The following CSMD1 variants were observed in gnomAD, a reference collection of about 807,000 sequenced individuals.
The protein encoded by CSMD1 is CUB and Sushi multiple domains 1.
CSMD1 carries 213 observed loss-of-function variants against 417.5 expected under a neutral mutation model. That is an observed-to-expected ratio of 0.51 (90% CI 0.46 to 0.57). CSMD1 has a LOEUF of 0.57. CSMD1 is among the 20% of genes least tolerant of loss of function. The pLI, the probability that CSMD1 is intolerant of heterozygous loss-of-function variation, is 0.00. For missense variants in CSMD1, 6,923 were observed against 4,529.7 expected (o/e 1.53, Z -15.17); for synonymous variants, 2,862 against 1,736.8 (o/e 1.65, Z -16.11).
In CSMD1 at chr8:3,288,292, T is replaced by G. The variant is rs532314792; in HGVS notation, c.3951-3946A>C. On this transcript the variant is annotated intron_variant, in intron 25 of 69. Coordinates refer to ENST00000635120, the MANE Select transcript of CSMD1 (RefSeq NM_033225.6). ...TTTTTGTTCTTTTTCTGCCAGGCTT[T>G]GGTATGAGGATGATGTTGGCCTCAT... is the stretch of plus-strand genomic sequence containing the variant. 7.5e-5 allele frequency among the ~76,000 whole-genome samples: 11 copies of G among 147,228 alleles called. 1 individual carries two copies. The highest frequency in any genetic ancestry group is 7.4e-4 in the Admixed American group (11 of 14,964).
At chr8:4,898,488 T>G (rs1406421389) in intron 1 of CSMD1, among the ~76,000 whole-genome samples, 1 of 152,192 alleles carries the variant, frequency 6.6e-6, no homozygotes, top group Non-Finnish European at 1.5e-5. Flanking sequence ...ATCCAAATGC[T>G]TGCCTGCTCA....
chr8:3,654,451 G>T (rs1441809713), intron 7 of CSMD1, among the ~76,000 whole-genome samples: 1 of 152,120 alleles, frequency 6.6e-6, no homozygotes, highest in Admixed American at 6.5e-5. Context: ...AAAAGATAAT[G>T]GTACAGGAAG....
chr8:4,037,399 T>C (rs997031195), intron 3 of CSMD1, among the ~76,000 whole-genome samples: 3 of 152,218 alleles, frequency 2.0e-5, no homozygotes, highest in African/African-American at 7.2e-5. Flanking sequence ...AACAGCCCAG[T>C]GGCATTATAG....
chr8:4,422,607 C>G lies in CSMD1; in HGVS notation c.303-2542G>C, dbSNP rs141357203. On this transcript the variant is annotated intron_variant, in intron 2 of 69. Coordinates refer to ENST00000635120, the MANE Select transcript of CSMD1 (RefSeq NM_033225.6). ...GACTATTCTGGACCCTGATCTCAGACTTTCAGACTCCAGAACTGTGAAAAA... is the reference window on the plus strand; with the variant it reads ...GACTATTCTGGACCCTGATCTCAGAGTTTCAGACTCCAGAACTGTGAAAAA... Among the ~76,000 whole-genome samples the G allele has an allele frequency of 1.9e-3, 283 of 152,188 alleles. 1 individual carries two copies. The highest frequency in any genetic ancestry group is 6.4e-3 in the African/African-American group (267 of 41,548).
intron 3 of CSMD1, among the ~76,000 whole-genome samples, chr8:4,283,461 AT>A (rs1414080605): frequency 1.3e-5 from 2 of 152,152 alleles, no homozygotes; most frequent in Non-Finnish European, 2.9e-5. Flanking sequence ...TATCTCTTGC[AT>A]TTTTACTCCC....
chr8:4,269,259 G>C (rs1267832799), intron 3 of CSMD1, among the ~76,000 whole-genome samples: 1 of 152,100 alleles, frequency 6.6e-6, no homozygotes, highest in Non-Finnish European at 1.5e-5. Context: ...GTTTCACCAT[G>C]TTGCCCAGGC....
At chr8:3,176,353 C>T (rs1416399436) in intron 37 of CSMD1, among the ~76,000 whole-genome samples, 1 of 152,002 alleles carries the variant, frequency 6.6e-6, no homozygotes, top group Non-Finnish European at 1.5e-5. Flanking sequence ...AATGTTTTCA[C>T]AGTTATGATG....
rs201362819 is a variant in CSMD1, at chr8:4,742,667, A to T, written c.86-105109T>A. Among the ~76,000 whole-genome samples, 24 of 152,304 alleles carry T rather than the reference A, an allele frequency of 1.6e-4. No individual in the cohort carries two copies. In the East Asian group the frequency reaches 3.7e-3, roughly 23 times the overall value. ...CCAAAAGCAGGTAGTGTTAACATGG[A>T]GCATTTTTCAGTGTTGACAATCAGG... On this transcript the variant is annotated intron_variant, in intron 1 of 69. Transcript: ENST00000635120.
In CSMD1 at chr8:3,387,780, A is replaced by G. The variant is rs1368348713; in HGVS notation, c.2594-98T>C. Reference sequence around the variant, plus strand: ...CAACTACGAAATAGTCTCAGAAATAATAAGACCTGAAACATTATGCAAGTG... The same window carrying G: ...CAACTACGAAATAGTCTCAGAAATAGTAAGACCTGAAACATTATGCAAGTG... On this transcript the variant is annotated intron_variant, in intron 17 of 69. Coordinates refer to ENST00000635120, the MANE Select transcript of CSMD1 (RefSeq NM_033225.6). The G allele has an allele frequency of 6.1e-6, 6 of 976,246 alleles. No homozygotes were observed. In the East Asian group the frequency reaches 7.9e-5, roughly 13 times the overall value. The allele number at this position is 976,246 out of a possible 1,614,324, so 60.5% of individuals were successfully genotyped here.
At chr8:3,584,487 C>A (rs1800515530) in intron 9 of CSMD1, among the ~76,000 whole-genome samples, 2 of 152,134 alleles carry the variant, frequency 1.3e-5, no homozygotes. Context: ...AGAAATGTCT[C>A]CACCTTCAGC....
chr8:3,258,228 T>G (rs902256122), intron 26 of CSMD1, among the ~76,000 whole-genome samples: 1 of 152,144 alleles, frequency 6.6e-6, no homozygotes, highest in African/African-American at 2.4e-5. Flanking sequence ...CCAGCATCTA[T>G]AAGGAACTTG....
At chr8:3,045,843 G>A (rs1811399166) in intron 50 of CSMD1, among the ~76,000 whole-genome samples, 2 of 152,032 alleles carry the variant, frequency 1.3e-5, no homozygotes, top group Non-Finnish European at 2.9e-5. Flanking sequence ...ATACAATATG[G>A]TGATAATGAA....
At chr8:4,059,642 C>A (rs575994274) in intron 3 of CSMD1, among the ~76,000 whole-genome samples, 1 of 152,172 alleles carries the variant, frequency 6.6e-6, no homozygotes, top group East Asian at 1.9e-4. Flanking sequence ...ATACAAACTG[C>A]CATCAGAGAA....
intron 12 of CSMD1, among the ~76,000 whole-genome samples, chr8:3,413,559 T>C (rs1812947536): frequency 6.6e-6 from 1 of 152,214 alleles, no homozygotes; most frequent in African/African-American, 2.4e-5. Context: ...CTTTTGTCCT[T>C]TAGTTATAGA....
At position 4,854,582 on chromosome 8, in the gene CSMD1, G is replaced by A. The variant is rs189288338; in HGVS notation, c.85+139750C>T. Among the ~76,000 whole-genome samples the A allele has an allele frequency of 3.8e-3, 582 of 152,316 alleles. 2 individuals are homozygous for A. Among genetic ancestry groups the A allele is most frequent in the African/African-American group, 7.5e-3 (313 of 41,570 alleles). On this transcript the variant is annotated intron_variant, in intron 1 of 69. Coordinates refer to ENST00000635120, the MANE Select transcript of CSMD1 (RefSeq NM_033225.6). The stretch of plus-strand genomic sequence containing the variant: ...CACCGTGCGTGAGCTGAAGCAGGGC[G>A]AGGCATTGCCTCACTTGGGAAGCGG...
At chr8:3,833,570 TTTTG>T (rs1304351426) in intron 5 of CSMD1, among the ~76,000 whole-genome samples, 1 of 152,120 alleles carries the variant, frequency 6.6e-6, no homozygotes, top group Non-Finnish European at 1.5e-5. Flanking sequence ...TAATCAACTT[TTTTG>T]TTTTTCATAA....
chr8:3,218,787 A>G (rs7007155), intron 29 of CSMD1, among the ~76,000 whole-genome samples: 43,231 of 151,434 alleles, frequency 0.29, 6,373 homozygotes, highest in African/African-American at 0.33. Flanking sequence ...CAGGAGAATC[A>G]TTTGAACCCG....
chr8:3,479,177 C>A (rs1333893540), intron 11 of CSMD1, among the ~76,000 whole-genome samples: 2 of 152,142 alleles, frequency 1.3e-5, no homozygotes, highest in Non-Finnish European at 2.9e-5. Flanking sequence ...CCTCCCCAGC[C>A]CACAAAATAG....
chr8:4,428,779 G>C (rs1423225035), intron 2 of CSMD1, among the ~76,000 whole-genome samples: 1 of 152,090 alleles, frequency 6.6e-6, no homozygotes, highest in Non-Finnish European at 1.5e-5. Context: ...GAGTGCAGTG[G>C]CGTGATCTTG....
Sources: allele counts gnomAD v4.1 joint callset (sites outside exome capture counted in the v4.1 genomes callset), GRCh38; gene constraint gnomAD v4.1.1; transcripts MANE v1.5; gene names NCBI Gene and HGNC (gene_info 2026-07-23, HGNC 2026-07-21).